KMT2C: variants seen among roughly 807,000 people sequenced by gnomAD.
KMT2C encodes the protein lysine methyltransferase 2C, also known as histone-lysine N-methyltransferase 2C.
Under a neutral mutation model 507.9 loss-of-function variants are expected in KMT2C, and 88 were observed. The observed-to-expected ratio is 0.17, with a 90% CI of 0.15 to 0.21. The LOEUF is 0.21. Ranked by LOEUF, KMT2C falls within the 10% of genes least tolerant of loss-of-function variation. The pLI is 1.00. For missense variants in KMT2C, 4,954 were observed against 5,957.8 expected, an observed-to-expected ratio of 0.83 and a Z score of 5.55; for synonymous variants, 2,049 against 2,080.8, an observed-to-expected ratio of 0.98 and a Z score of 0.42.
chr7:152,274,151 AT>A (rs561728180), intron 6 of KMT2C, among the ~76,000 whole-genome samples: 13 of 147,268 alleles, frequency 8.8e-5, no homozygotes, highest in East Asian at 2.0e-4. Flanking sequence ...AAACCTAAAG[AT>A]TTTTTTTTAA....
chr7:152,193,370 T>TGGCA (rs1243453407), intron 31 of KMT2C, among the ~76,000 whole-genome samples: 2 of 151,828 alleles, frequency 1.3e-5, no homozygotes, highest in East Asian at 3.9e-4. Flanking sequence ...AGAAGAAAAA[T>TGGCA]GAACAAAATA....
In KMT2C at chr7:152,180,741, C is replaced by T. The variant is rs2129119056; in HGVS notation, c.7119G>A (p.Met2373Ile). Residue 2373 changes from methionine to isoleucine, a missense_variant, in exon 36 of 59, where the codon ATG (methionine) becomes ATA (isoleucine). Physicochemically the swap from Met to Ile is conservative, Grantham distance 10. Coordinates refer to ENST00000262189, the MANE Select transcript of KMT2C (RefSeq NM_170606.3). ...GVTDTQNTVNMAQADTEKLRQ... is the reference protein window; with the variant it reads ...GVTDTQNTVNIAQADTEKLRQ... ...TCAATTTCTCTGTATCTGCTTGGGC[C>T]ATATTTACAGTATTCTGTGTATCAG... The T allele has an allele frequency of 6.2e-7, 1 of 1,613,618 alleles. No homozygotes were observed. Among genetic ancestry groups the T allele is most frequent in the Non-Finnish European group, 8.5e-7 (1 of 1,179,830 alleles).
At position 152,183,228 on chromosome 7, in the gene KMT2C, T is replaced by A. The variant is rs141129070; in HGVS notation, c.5083-72A>T. On this transcript the variant is annotated intron_variant, in intron 34 of 58. Coordinates refer to ENST00000262189, the MANE Select transcript of KMT2C (RefSeq NM_170606.3). The stretch of plus-strand genomic sequence containing the variant: ...TTTAAGGAATAAAATAAAACTATCA[T>A]GAACTTTCTCAAATAAAAGAAAAAA... The A allele has an allele frequency of 3.8e-4, 460 of 1,222,290 alleles. 2 individuals are homozygous for A. In the African/African-American group the frequency reaches 6.2e-3, roughly 16 times the overall value. The allele number at this position is 1,222,290 out of a possible 1,614,324, so 75.7% of individuals were successfully genotyped here.
chr7:152,356,839 TGAGATCGCACCAC>T (rs1563972858), intron 2 of KMT2C, among the ~76,000 whole-genome samples: 1 of 147,640 alleles, frequency 6.8e-6, no homozygotes, highest in African/African-American at 2.5e-5. Context: ...TGCAGTGAGC[TGAGATCGCACCAC>T]TGCACTCCAG....
Position 152,177,065 on chromosome 7 carries a change from T to A in KMT2C, c.8388A>T (p.Lys2796Asn). The A allele has an allele frequency of 6.2e-7, 1 of 1,611,696 alleles. No individual in the cohort carries two copies. The highest frequency in any genetic ancestry group is 1.7e-5 in the Admixed American group (1 of 59,696). ...CCAGAGTTTTGTTTTCTTGTTCCTT[T>A]TTTTTTGGTTCAACAGATACACACT... ...DNQCVSVEPKKKEQENKTLVL... is the reference protein window; with the variant it reads ...DNQCVSVEPKNKEQENKTLVL... The change falls in exon 38 of 59, where the codon AAA (lysine) becomes AAT (asparagine). Residue 2796 changes from lysine (K) to asparagine (N), a missense_variant. By Grantham distance (94) the Lys-to-Asn change is moderately conservative. Transcript: ENST00000262189.
At chr7:152,358,550 T>A in intron 2 of KMT2C, 37 bp downstream of exon 2, 1 of 1,249,948 alleles carries the variant, frequency 8.0e-7, no homozygotes, top group Non-Finnish European at 1.2e-6. Flanking sequence ...ATGCAAAGCA[T>A]CATTATACAT....
At chr7:152,183,347 T>C (rs1321575952) in intron 34 of KMT2C, among the ~76,000 whole-genome samples, 191 bp from the exon 35 acceptor site, 1 of 152,170 alleles carries the variant, frequency 6.6e-6, no homozygotes, top group Non-Finnish European at 1.5e-5. Flanking sequence ...ATAGTACCTA[T>C]CAGTTGAGGA....
chr7:152,294,997 A>G (rs1423907537), intron 6 of KMT2C, among the ~76,000 whole-genome samples: 1 of 152,156 alleles, frequency 6.6e-6, no homozygotes, highest in Non-Finnish European at 1.5e-5. Context: ...TGTCAAAGCC[A>G]TTTCACACGG....
At chr7:152,190,213 T>C (rs1010214785) in intron 31 of KMT2C, among the ~76,000 whole-genome samples, 10 of 152,158 alleles carry the variant, frequency 6.6e-5, no homozygotes, top group African/African-American at 2.4e-4. Flanking sequence ...CGTTAAGGAA[T>C]GTGCAATTTT....
intron 3 of KMT2C, among the ~76,000 whole-genome samples, chr7:152,328,920 G>A (rs542480532): frequency 6.6e-6 from 1 of 152,204 alleles, no homozygotes; most frequent in East Asian, 1.9e-4. Flanking sequence ...TGGGGCAGAG[G>A]TGGAGGCAGA....
chr7:152,427,250 G>A (rs1287521041), intron 1 of KMT2C, among the ~76,000 whole-genome samples: 5 of 152,062 alleles, frequency 3.3e-5, no homozygotes, highest in Middle Eastern at 3.4e-3. Context: ...TCCTGACCTC[G>A]TGACTCACCC....
At chr7:152,272,760 G>A (rs1396026796) in intron 7 of KMT2C, among the ~76,000 whole-genome samples, 1 of 152,100 alleles carries the variant, frequency 6.6e-6, no homozygotes, top group Non-Finnish European at 1.5e-5. Flanking sequence ...ATGAAATTAT[G>A]GTACTCAACA....
In KMT2C at chr7:152,343,996, A is replaced by T. The variant is rs555763082; in HGVS notation, c.251-13257T>A. Among the ~76,000 whole-genome samples the T allele has an allele frequency of 2.8e-3, 350 of 123,938 alleles. 4 individuals carry two copies. The highest frequency in any genetic ancestry group is 0.017 in the African/African-American group (339 of 20,166). 81.3% of individuals were successfully genotyped at this position (123,938 alleles called of 152,430 possible). ...AGGGGCAAGTGAAGATAAAATTTTAAAAAAAAACTTTTTTCTTATTAACTG... is the reference window on the plus strand; with the variant it reads ...AGGGGCAAGTGAAGATAAAATTTTATAAAAAAACTTTTTTCTTATTAACTG... On this transcript the variant is annotated intron_variant, in intron 2 of 58. Coordinates refer to ENST00000262189, the MANE Select transcript of KMT2C (RefSeq NM_170606.3).
At chr7:152,301,955 T>G (rs978268908) in intron 6 of KMT2C, among the ~76,000 whole-genome samples, 1 of 152,202 alleles carries the variant, frequency 6.6e-6, no homozygotes. Flanking sequence ...AAATTACATT[T>G]AGAAGTTTAA....
At chr7:152,245,692 T>C (rs2095461162) in intron 14 of KMT2C, among the ~76,000 whole-genome samples, 1 of 152,196 alleles carries the variant, frequency 6.6e-6, no homozygotes, top group South Asian at 2.1e-4. Context: ...AATTTTGAAG[T>C]GAATTCCTAG....
At chr7:152,321,054 C>T (rs543741993) in intron 3 of KMT2C, among the ~76,000 whole-genome samples, 2 of 151,776 alleles carry the variant, frequency 1.3e-5, no homozygotes, top group Admixed American at 6.5e-5. Flanking sequence ...ACCAACATGG[C>T]GAAACCCCGT....
chr7:152,185,110 T>A (rs2093583965), intron 34 of KMT2C, among the ~76,000 whole-genome samples: 1 of 152,142 alleles, frequency 6.6e-6, no homozygotes, highest in Non-Finnish European at 1.5e-5. Context: ...TAACACAATA[T>A]AAATGCTATG....
rs2093379881 is a variant in KMT2C, at chr7:152,180,076, A to C, written c.7200T>G (p.Ile2400Met). The change falls in exon 37 of 59, where the codon ATT becomes ATG. Residue 2400 changes from isoleucine to methionine, a missense_variant. Transcript: ENST00000262189. ...GTGACCCCTTCTCCTGTCGACCTGC[A>C]ATCTTCTTCTGCTGTTGCTGCTGGA... is the stretch of plus-strand genomic sequence containing the variant. ...IILQQQQQKK[I>M]AGRQEKGSQD... is the part of the protein sequence containing the mutation. The C allele has an allele frequency of 6.2e-7, 1 of 1,614,214 alleles. No individual in the cohort carries two copies.
intron 23 of KMT2C, among the ~76,000 whole-genome samples, chr7:152,218,639 A>G (rs1314351451): frequency 3.3e-5 from 5 of 152,136 alleles, no homozygotes; most frequent in Admixed American, 2.6e-4. Flanking sequence ...GGAACATTCA[A>G]TGGCCTCCCA....
Sources: allele counts gnomAD v4.1 joint callset (sites outside exome capture counted in the v4.1 genomes callset), GRCh38; gene constraint gnomAD v4.1.1; transcripts MANE v1.5; gene names NCBI Gene and HGNC (gene_info 2026-07-23, HGNC 2026-07-21).